The following MUCL3 variants were observed in gnomAD, a reference collection of about 807,000 sequenced individuals.
MUCL3 encodes mucin-like protein 3.
Under a neutral mutation model 70.2 loss-of-function variants are expected in MUCL3, and 42 were observed. The observed-to-expected ratio is 0.60, with a 90% CI of 0.47 to 0.77. The LOEUF (loss-of-function observed/expected upper bound fraction) is 0.77, where lower values mean the gene tolerates loss of function less well. Ranked by LOEUF, MUCL3 falls within the 30% of genes least tolerant of loss-of-function variation. The probability of loss-of-function intolerance (pLI) is 0.00; values close to 1 mark genes in which losing one functional copy is unlikely to be tolerated. For synonymous variants in MUCL3, 522 were observed against 647.0 expected, an observed-to-expected ratio of 0.81 and a Z score of 2.93; for missense variants, 1,429 against 1,670.0, an observed-to-expected ratio of 0.86 and a Z score of 2.52.
chr6:30,944,952 A>G (rs1795724544), intron 1 of MUCL3, among the ~76,000 whole-genome samples: 1 of 152,188 alleles, frequency 6.6e-6, no homozygotes, highest in Non-Finnish European at 1.5e-5. Context: ...GCTTTTTACA[A>G]TCTATGGTTC....
At chr6:30,946,730 G>T (rs571002308) in intron 1 of MUCL3, among the ~76,000 whole-genome samples, 5 of 152,300 alleles carry the variant, frequency 3.3e-5, no homozygotes, top group African/African-American at 1.2e-4. Context: ...GCTGTGCACT[G>T]TGGTCTTAAC....
At position 30,941,098 on chromosome 6, in the gene MUCL3, G is replaced by A. The variant is rs1043087287; in HGVS notation, c.82+17G>A. 24 of 1,548,258 alleles carry A rather than the reference G, an allele frequency of 1.6e-5. No individual in the cohort carries two copies. The highest frequency in any genetic ancestry group is 2.0e-5 in the Non-Finnish European group (23 of 1,146,804). On this transcript the variant is annotated intron_variant, in intron 1 of 2. Coordinates refer to ENST00000462446, the MANE Select transcript of MUCL3 (RefSeq NM_080870.4). The stretch of plus-strand genomic sequence containing the variant: ...GGGGGGCAGGTAAGATGCCCACAGG[G>A]GATACAGAAGACAGAAACAGCTTGT...
intron 1 of MUCL3, among the ~76,000 whole-genome samples, chr6:30,946,725 G>A (rs369660951): frequency 9.9e-5 from 15 of 152,184 alleles, no homozygotes; most frequent in African/African-American, 3.1e-4. Context: ...TATTGGCTGT[G>A]CACTGTGGTC....
In MUCL3 at chr6:30,953,100, A is replaced by G. The variant is rs751541549; in HGVS notation, c.4165A>G (p.Ile1389Val). ...GCAGCAGAATCTTGGCATGGGCCAG[A>G]TCCCTTCCCCACGGTGATCTTGGAG... is the stretch of plus-strand genomic sequence containing the variant. ...MEQQNLGMGQ[I>V]PSPR The change falls in exon 3 of 3, where the codon ATC becomes GTC. Residue 1389 changes from isoleucine to valine, a missense_variant. Physicochemically the swap from Ile to Val is conservative, Grantham distance 29 (BLOSUM62 3). Coordinates refer to ENST00000462446, the MANE Select transcript of MUCL3 (RefSeq NM_080870.4). 6.2e-7 allele frequency: 1 copy of G among 1,614,038 alleles called. No individual in the cohort carries two copies. Among genetic ancestry groups the G allele is most frequent in the African/African-American group, 1.3e-5 (1 of 74,938 alleles).
In MUCL3 at chr6:30,948,916, A is replaced by G. The variant is rs1006714011; in HGVS notation, c.452A>G (p.Glu151Gly). 20 of 1,550,564 alleles carry G rather than the reference A, an allele frequency of 1.3e-5. No homozygotes were observed. The highest frequency in any genetic ancestry group is 1.7e-5 in the Non-Finnish European group (20 of 1,146,742). ...DPADSTTTHK[E>G]SAGKKHITPA... Reference sequence around the variant, plus strand: ...GCTGACTCCACTACCACACATAAAGAATCCGCTGGAAAAAAACATATAACG... The same window carrying G: ...GCTGACTCCACTACCACACATAAAGGATCCGCTGGAAAAAAACATATAACG... Residue 151 changes from glutamate to glycine, a missense_variant, in exon 2 of 3, where the codon GAA becomes GGA. Transcript: ENST00000462446.
rs1411098744 is a variant in MUCL3 at position 30,948,933 on chromosome 6, C to A, written c.469C>A (p.His157Asn). The change falls in exon 2 of 3, where the codon CAT (histidine) becomes AAT (asparagine). Residue 157 changes from histidine (H) to asparagine (N), a missense_variant. Physicochemically the swap from His to Asn is moderately conservative, Grantham distance 68. Coordinates refer to ENST00000462446, the MANE Select transcript of MUCL3 (RefSeq NM_080870.4). The part of the protein sequence containing the change: ...TTHKESAGKK[H>N]ITPAPKSKIN... ...ACATAAAGAATCCGCTGGAAAAAAA[C>A]ATATAACGCCAGCACCCAAGAGCAA... 11 of 1,550,406 alleles carry A rather than the reference C, an allele frequency of 7.1e-6. No individual in the cohort carries two copies. The East Asian group carries it at 2.4e-4, about 34-fold the overall frequency.
In MUCL3 at chr6:30,953,340, G is replaced by A. The variant is rs1168951316; in HGVS notation, c.*223G>A. 2 of 633,018 alleles carry A rather than the reference G, an allele frequency of 3.2e-6. No individual in the cohort carries two copies. The highest frequency in any genetic ancestry group is 1.8e-5 in the African/African-American group (1 of 54,600). The allele number at this position is 633,018 out of a possible 1,614,324, so 39.2% of individuals were successfully genotyped here. On this transcript the variant is annotated 3_prime_UTR_variant, in exon 3 of 3. Coordinates refer to ENST00000462446, the MANE Select transcript of MUCL3 (RefSeq NM_080870.4). ...AAAGAAGAAAGAATGAATAATACGA[G>A]CAGACATTCTCTGTAGAAGGTAATG...
At position 30,949,820 on chromosome 6, in the gene MUCL3, C is replaced by T. The variant is rs748142357; in HGVS notation, c.1356C>T (p.Asn452=). ...ATAGAGAAAGGACAGCCAATGAGAA[C>T]ACCACACCATCCCCAGCAGGGCCTA... is the stretch of plus-strand genomic sequence containing the variant. ...TENRERTANE[N]TTPSPAGPTE... is the part of the protein sequence containing the mutation. The change falls in exon 2 of 3, where the codon AAC becomes AAT. Residue 452 remains asparagine (N), a synonymous_variant. Transcript: ENST00000462446. 5.9e-6 allele frequency: 9 copies of T among 1,534,806 alleles called. No homozygotes were observed. The highest frequency in any genetic ancestry group is 1.2e-5 in the South Asian group (1 of 83,368).
chr6:30,943,012 CGGGTTGTG>C (rs1795642106), intron 1 of MUCL3, among the ~76,000 whole-genome samples: 5 of 151,862 alleles, frequency 3.3e-5, no homozygotes, highest in Non-Finnish European at 5.9e-5. Flanking sequence ...AGGCTGGGCT[CGGGTTGTG>C]ATGAGGTCGG....
In MUCL3 at chr6:30,952,034, C is replaced by G. The variant is rs1262257847; in HGVS notation, c.3570C>G (p.Tyr1190Ter). The change falls in exon 2 of 3, where the codon TAC (tyrosine) becomes TAG (stop). Residue 1190 changes from tyrosine (Y) to a stop codon, truncating the protein, a stop_gained. Coordinates refer to ENST00000462446, the MANE Select transcript of MUCL3 (RefSeq NM_080870.4). LOFTEE classifies it high-confidence loss of function. ...TTRTPEKPTL[Y>*]SEKTICTKGK... ...GAACCCCAGAAAAGCCTACGCTATA[C>G]TCAGAGAAGACCATATGCACCAAAG... 5.0e-6 allele frequency: 8 copies of G among 1,611,996 alleles called. No homozygotes were observed. The highest frequency in any genetic ancestry group is 6.8e-6 in the Non-Finnish European group (8 of 1,179,762).
intron 1 of MUCL3, among the ~76,000 whole-genome samples, chr6:30,942,862 A>G (rs900071452): frequency 6.6e-6 from 1 of 151,680 alleles, no homozygotes; most frequent in African/African-American, 2.4e-5. Flanking sequence ...CGATGGGGCC[A>G]TGTGGGCGTG....
chr6:30,946,463 C>A (rs1795785479), intron 1 of MUCL3: 1 of 152,204 alleles, frequency 6.6e-6, no homozygotes, highest in South Asian at 2.1e-4. Flanking sequence ...GCTGCCAGCT[C>A]CTTTATTCAC....
intron 1 of MUCL3, among the ~76,000 whole-genome samples, chr6:30,943,858 C>CT (rs202030984): frequency 0.024 from 3,515 of 145,548 alleles, 60 homozygotes; most frequent in Admixed American, 0.038. Context: ...TTTAGCTTTC[C>CT]TTTTTTTTTT....
At chr6:30,952,838 G>T in intron 2 of MUCL3, 133 bp from the exon 3 acceptor site, 1 of 1,257,390 alleles carries the variant, frequency 8.0e-7, no homozygotes, top group Non-Finnish European at 1.1e-6. Context: ...GGGACTCATT[G>T]TATTGGACCT....
At position 30,949,153 on chromosome 6, in the gene MUCL3, C is replaced by T; in HGVS notation, c.689C>T (p.Thr230Ile). Residue 230 changes from threonine to isoleucine, a missense_variant, in exon 2 of 3, where the codon ACA (threonine) becomes ATA (isoleucine). Physicochemically the swap from Thr to Ile is moderately conservative, Grantham distance 89. Coordinates refer to ENST00000462446, the MANE Select transcript of MUCL3 (RefSeq NM_080870.4). ...AGCACATCTTTTCCAGAAAAAATCA[C>T]AGCAGCCTCAAAAACAACATACAAG... ...QKSTSFPEKI[T>I]AASKTTYKTT... is the part of the protein sequence containing the mutation. 1 of 1,551,412 alleles carries T rather than the reference C, an allele frequency of 6.4e-7. No homozygotes were observed. Among genetic ancestry groups the T allele is most frequent in the African/African-American group, 1.4e-5 (1 of 73,108 alleles).
Position 30,951,590 on chromosome 6 carries a change from A to G in MUCL3, c.3126A>G (p.Thr1042=). 1 of 1,543,134 alleles carries G rather than the reference A, an allele frequency of 6.5e-7. No individual in the cohort carries two copies. The highest frequency in any genetic ancestry group is 1.4e-5 in the African/African-American group (1 of 72,940). The change falls in exon 2 of 3, where the codon ACA becomes ACG. Residue 1042 remains threonine (T), a synonymous_variant. Transcript: ENST00000462446. ...EKTIPSPAKP[T]EHEEMTPSAN... ...CCATACCATCTCCAGCAAAGCCTAC[A>G]GAACACGAAGAAATGACCCCATCGG... is the stretch of plus-strand genomic sequence containing the variant.
chr6:30,950,501 T>A lies in MUCL3; in HGVS notation c.2037T>A (p.Pro679=), dbSNP rs909668665. The change falls in exon 2 of 3, where the codon CCT becomes CCA. Residue 679 remains proline (P), a synonymous_variant. Coordinates refer to ENST00000462446, the MANE Select transcript of MUCL3 (RefSeq NM_080870.4). ...NEKTTSSPAE[P]TENGQRTPFA... ...AGACCACATCATCCCCAGCAGAGCCTACAGAAAATGGACAAAGGACCCCAT... is the reference window on the plus strand; with the variant it reads ...AGACCACATCATCCCCAGCAGAGCCAACAGAAAATGGACAAAGGACCCCAT... 4 of 1,546,310 alleles carry A rather than the reference T, an allele frequency of 2.6e-6. No homozygotes were observed. The African/African-American group carries it at 5.7e-5, about 22-fold the overall frequency.
At chr6:30,952,886 G>A (rs1214229811) in intron 2 of MUCL3, 85 bp from the exon 3 acceptor site, 1 of 1,522,050 alleles carries the variant, frequency 6.6e-7, no homozygotes, top group African/African-American at 1.4e-5. Flanking sequence ...ATGGAATCTT[G>A]AGAATAGAAT....
At position 30,953,351 on chromosome 6, in the gene MUCL3, C is replaced by A. The variant is rs1235486458; in HGVS notation, c.*234C>A. ...AATGAATAATACGAGCAGACATTCT[C>A]TGTAGAAGGTAATGGTCTGAGAATG... On this transcript the variant is annotated 3_prime_UTR_variant, in exon 3 of 3. Coordinates refer to ENST00000462446, the MANE Select transcript of MUCL3 (RefSeq NM_080870.4). The A allele has an allele frequency of 4.9e-6, 3 of 616,902 alleles. No homozygotes were observed. In the East Asian group the frequency reaches 8.4e-5, roughly 17 times the overall value. 38.2% of individuals were successfully genotyped at this position (616,902 alleles called of 1,614,324 possible).
Sources: allele counts gnomAD v4.1 joint callset (sites outside exome capture counted in the v4.1 genomes callset), GRCh38; gene constraint gnomAD v4.1.1; transcripts MANE v1.5; gene names NCBI Gene and HGNC (gene_info 2026-07-23, HGNC 2026-07-21).